The following TNIK variants were observed in gnomAD, a reference collection of about 807,000 sequenced individuals.
The protein encoded by TNIK is TRAF2 and NCK-interacting protein kinase.
In TNIK, 49 loss-of-function variants were observed where a neutral mutation model predicts 191.3. That is an observed-to-expected ratio of 0.26 (90% CI 0.20 to 0.32). The LOEUF (loss-of-function observed/expected upper bound fraction) is 0.32. Ranked by LOEUF, TNIK falls within the 10% of genes least tolerant of loss-of-function variation. The pLI is 1.00. For missense variants in TNIK, 1,155 were observed against 1,702.3 expected, an observed-to-expected ratio of 0.68 and a Z score of 5.66; for synonymous variants, 594 against 600.9, an observed-to-expected ratio of 0.99 and a Z score of 0.17.
At chr3:171,219,963 T>C (rs1192989681) in intron 3 of TNIK, among the ~76,000 whole-genome samples, 2 of 152,164 alleles carry the variant, frequency 1.3e-5, no homozygotes, top group Non-Finnish European at 2.9e-5. Flanking sequence ...TGTGGCACTG[T>C]TCATAATAGC....
At chr3:171,102,897 A>G (rs1435592902) in intron 21 of TNIK, among the ~76,000 whole-genome samples, 1 of 152,210 alleles carries the variant, frequency 6.6e-6, no homozygotes, top group Non-Finnish European at 1.5e-5. Context: ...TTATTTTGAG[A>G]ATACAACAAA....
intron 2 of TNIK, among the ~76,000 whole-genome samples, chr3:171,261,735 C>CA (rs1207316182): frequency 2.0e-5 from 3 of 152,120 alleles, no homozygotes; most frequent in Non-Finnish European, 2.9e-5. Context: ...GGTGTGGCTA[C>CA]AGCAATGGGC....
At chr3:171,387,222 G>C (rs930177507) in intron 1 of TNIK, among the ~76,000 whole-genome samples, 1 of 152,206 alleles carries the variant, frequency 6.6e-6, no homozygotes, top group Admixed American at 6.5e-5. Context: ...CCCTGTTCTA[G>C]GAGTGGTTCA....
intron 23 of TNIK, among the ~76,000 whole-genome samples, chr3:171,088,786 T>C (rs1308824735): frequency 6.6e-6 from 1 of 152,240 alleles, no homozygotes; most frequent in African/African-American, 2.4e-5. Context: ...TGTTGCACTT[T>C]TTAACTTTTA....
intron 3 of TNIK, among the ~76,000 whole-genome samples, chr3:171,223,788 A>C (rs1016215632): frequency 4.6e-5 from 7 of 152,194 alleles, no homozygotes; most frequent in Admixed American, 4.6e-4. Context: ...AGGAATATAA[A>C]AAATGTAATT....
At chr3:171,288,128 T>C (rs56037163) in intron 2 of TNIK, among the ~76,000 whole-genome samples, 2 of 121,560 alleles carry the variant, frequency 1.6e-5, no homozygotes, top group East Asian at 5.0e-4. Flanking sequence ...TGAGATCACA[T>C]GGACACAGGA....
intron 12 of TNIK, among the ~76,000 whole-genome samples, chr3:171,141,822 G>A (rs1335080117): frequency 1.3e-5 from 2 of 152,168 alleles, no homozygotes; most frequent in Admixed American, 6.5e-5. Context: ...GACATACCAG[G>A]GGGACCATTT....
At chr3:171,120,355 C>G (rs1461987170) in intron 18 of TNIK, among the ~76,000 whole-genome samples, 1 of 140,548 alleles carries the variant, frequency 7.1e-6, no homozygotes, top group African/African-American at 2.8e-5. Context: ...GAGTCTTGCT[C>G]TGTTGCCCAG....
At chr3:171,251,118 G>A (rs1455367517) in intron 2 of TNIK, among the ~76,000 whole-genome samples, 1 of 152,208 alleles carries the variant, frequency 6.6e-6, no homozygotes, top group African/African-American at 2.4e-5. Flanking sequence ...TTAAAGGTGG[G>A]CAACATCCTA....
At chr3:171,375,080 C>T (rs2108505081) in intron 1 of TNIK, among the ~76,000 whole-genome samples, 1 of 152,306 alleles carries the variant, frequency 6.6e-6, no homozygotes, top group East Asian at 1.9e-4. Context: ...GCTCTCTAAC[C>T]TTGAGCCAGT....
At chr3:171,189,405 C>T (rs115786912) in intron 6 of TNIK, among the ~76,000 whole-genome samples, 2,458 of 152,112 alleles carry the variant, frequency 0.016, 62 homozygotes, top group African/African-American at 0.055. Flanking sequence ...ATGAAGTGTA[C>T]CCATGAGGAA....
chr3:171,171,350 C>G (rs2108767851), intron 9 of TNIK, among the ~76,000 whole-genome samples: 1 of 152,228 alleles, frequency 6.6e-6, no homozygotes, highest in East Asian at 1.9e-4. Context: ...CACCAAGAAT[C>G]AGAACTGGTG....
chr3:171,403,611 C>CAAAAAAAA (rs57982642), intron 1 of TNIK, among the ~76,000 whole-genome samples: 20 of 100,162 alleles, frequency 2.0e-4, no homozygotes, highest in East Asian at 4.1e-4. Context: ...GACTCCGTAT[C>CAAAAAAAA]AAAAAAAAAA....
chr3:171,365,544 T>C (rs1715619635), intron 2 of TNIK, among the ~76,000 whole-genome samples: 1 of 152,056 alleles, frequency 6.6e-6, no homozygotes, highest in Non-Finnish European at 1.5e-5. Context: ...TCTAGAGGTA[T>C]GAAATGGGGT....
intron 2 of TNIK, among the ~76,000 whole-genome samples, chr3:171,327,787 G>C (rs2108355440): frequency 6.6e-6 from 1 of 151,450 alleles, no homozygotes; most frequent in South Asian, 2.1e-4. Context: ...AGGTGTAACG[G>C]GTGCCCCTTC....
chr3:171,322,262 T>C (rs1755242113), intron 2 of TNIK, among the ~76,000 whole-genome samples: 1 of 152,160 alleles, frequency 6.6e-6, no homozygotes, highest in Admixed American at 6.5e-5. Context: ...AGGCTCAGTG[T>C]TTTCTTTCAA....
intron 2 of TNIK, among the ~76,000 whole-genome samples, chr3:171,338,833 C>G (rs566130271): frequency 1.3e-5 from 2 of 152,102 alleles, no homozygotes; most frequent in African/African-American, 4.8e-5. Context: ...ATAGGAATTG[C>G]CTAACTACCG....
At chr3:171,181,830 A>G (rs1423626890) in intron 7 of TNIK, among the ~76,000 whole-genome samples, 1 of 152,240 alleles carries the variant, frequency 6.6e-6, no homozygotes, top group East Asian at 1.9e-4. Flanking sequence ...GTGACATAAG[A>G]AACGTAAGTA....
intron 2 of TNIK, 113 bp from the exon 3 acceptor site, chr3:171,228,334 G>T (rs914849734): frequency 2.0e-6 from 2 of 1,009,290 alleles, no homozygotes; most frequent in African/African-American, 1.6e-5. Flanking sequence ...TCAATGGGGG[G>T]AGAGAGAAAG....
Sources: gnomAD v4.1 joint callset for allele counts (sites outside exome capture counted in the v4.1 genomes callset) on GRCh38, gnomAD v4.1.1 for gene constraint, MANE v1.5 for transcripts, NCBI Gene and HGNC (gene_info 2026-07-23, HGNC 2026-07-21) for gene names.